Variants in SCG5 observed in about 807,000 individuals in gnomAD.
The protein encoded by SCG5 is neuroendocrine protein 7B2.
In SCG5, 18 loss-of-function variants were observed where a neutral mutation model predicts 25.7. That is an observed-to-expected ratio of 0.70 (90% confidence interval 0.48 to 1.04). The LOEUF is 1.04. SCG5 is among the 50% of genes least tolerant of loss of function. The pLI is 0.00. For missense variants in SCG5, 206 were observed against 259.8 expected, an observed-to-expected ratio of 0.79 and a Z score of 1.42; for synonymous variants, 101 against 91.7, an observed-to-expected ratio of 1.10 and a Z score of -0.58.
intron 2 of SCG5, among the ~76,000 whole-genome samples, chr15:32,654,051 A>C (rs562639381): frequency 6.6e-6 from 1 of 152,274 alleles, no homozygotes; most frequent in South Asian, 2.1e-4. Context: ...CCTCACAATC[A>C]CTTACTGGAG....
chr15:32,682,017 C>T (rs1456523456), intron 3 of SCG5, among the ~76,000 whole-genome samples: 2 of 152,086 alleles, frequency 1.3e-5, no homozygotes, highest in Non-Finnish European at 2.9e-5. Flanking sequence ...CCACCTTCTA[C>T]TTGTTTGTAG....
At chr15:32,669,147 T>C (rs1004240877) in intron 2 of SCG5, 1 of 152,158 alleles carries the variant, frequency 6.6e-6, no homozygotes, top group Admixed American at 6.5e-5. Context: ...ACATGTTAAT[T>C]AGCACTCATT....
intron 2 of SCG5, among the ~76,000 whole-genome samples, chr15:32,665,357 G>A (rs1227872003): frequency 5.3e-5 from 8 of 149,992 alleles, no homozygotes; most frequent in African/African-American, 1.7e-4. Flanking sequence ...TTAGGTTCTG[G>A]TTTGGGGTTT....
chr15:32,654,759 T>C (rs1455524172), intron 2 of SCG5, among the ~76,000 whole-genome samples: 1 of 152,200 alleles, frequency 6.6e-6, no homozygotes, highest in African/African-American at 2.4e-5. Context: ...TTTGTGTCTG[T>C]AGTGCCTAGA....
At chr15:32,651,454 G>T (rs902881825) in intron 2 of SCG5, among the ~76,000 whole-genome samples, 1 of 152,236 alleles carries the variant, frequency 6.6e-6, no homozygotes, top group Non-Finnish European at 1.5e-5. Context: ...ATTTGAGGAT[G>T]GCGGGGTGAA....
chr15:32,658,141 C>G (rs1430226076), intron 2 of SCG5, among the ~76,000 whole-genome samples: 7 of 152,114 alleles, frequency 4.6e-5, no homozygotes, highest in Admixed American at 3.9e-4. Context: ...GGATGTGATA[C>G]AAACTGATAT....
At chr15:32,677,793 G>A (rs1433134463) in intron 2 of SCG5, 1 of 152,138 alleles carries the variant, frequency 6.6e-6, no homozygotes, top group Admixed American at 6.5e-5. Context: ...TCCTGGAAAA[G>A]GAAGCTTCAT....
intron 3 of SCG5, among the ~76,000 whole-genome samples, chr15:32,680,318 C>T (rs982359175): frequency 7.9e-5 from 12 of 151,828 alleles, no homozygotes; most frequent in African/African-American, 2.9e-4. Context: ...GCCTCAGCCT[C>T]CCGAGTACCT....
intron 5 of SCG5, among the ~76,000 whole-genome samples, chr15:32,695,515 A>G (rs1190047981): frequency 6.6e-6 from 1 of 152,100 alleles, no homozygotes; most frequent in South Asian, 2.1e-4. Context: ...GAATACCAAC[A>G]CATGAAAGTG....
At chr15:32,647,956 T>C (rs140117958) in intron 2 of SCG5, among the ~76,000 whole-genome samples, 6 of 152,302 alleles carry the variant, frequency 3.9e-5, no homozygotes, top group African/African-American at 1.4e-4. Flanking sequence ...TCTCATTCAT[T>C]CTCTTGACTC....
chr15:32,684,125 A>G (rs755919394), intron 3 of SCG5, among the ~76,000 whole-genome samples: 9 of 152,198 alleles, frequency 5.9e-5, no homozygotes, highest in Non-Finnish European at 1.2e-4. Context: ...CAAGCTGACC[A>G]GGAGATGGGG....
intron 2 of SCG5, among the ~76,000 whole-genome samples, chr15:32,661,569 G>A (rs1301486513): frequency 2.0e-5 from 3 of 152,062 alleles, no homozygotes; most frequent in Non-Finnish European, 4.4e-5. Context: ...GCGGTGAGCC[G>A]AGATTGCACC....
At chr15:32,684,938 C>G (rs1397678925) in intron 4 of SCG5, among the ~76,000 whole-genome samples, 3 of 152,192 alleles carry the variant, frequency 2.0e-5, no homozygotes, top group Admixed American at 1.3e-4. Context: ...TGCTTCACAG[C>G]CTGTGTCATA....
chr15:32,663,799 G>A (rs959668514), intron 2 of SCG5, among the ~76,000 whole-genome samples: 1 of 152,082 alleles, frequency 6.6e-6, no homozygotes, highest in Non-Finnish European at 1.5e-5. Flanking sequence ...CCTGCAGATG[G>A]GCTGTACCAG....
chr15:32,694,574 A>G (rs1297310756), intron 5 of SCG5, among the ~76,000 whole-genome samples: 1 of 152,262 alleles, frequency 6.6e-6, no homozygotes, highest in African/African-American at 2.4e-5. Context: ...TTTGGAATAA[A>G]TATTACTAAA....
intron 3 of SCG5, among the ~76,000 whole-genome samples, chr15:32,680,780 T>G (rs967863681): frequency 1.3e-5 from 2 of 152,158 alleles, no homozygotes; most frequent in Non-Finnish European, 2.9e-5. Flanking sequence ...AAATTTTCCA[T>G]GTTGTTCATG....
At chr15:32,685,455 A>G (rs1341011929) in intron 4 of SCG5, among the ~76,000 whole-genome samples, 4 of 152,212 alleles carry the variant, frequency 2.6e-5, no homozygotes, top group Admixed American at 2.6e-4. Flanking sequence ...ACAGAATGTC[A>G]CCAAAATGGG....
At chr15:32,696,158 C>T (rs1381687053) in intron 5 of SCG5, among the ~76,000 whole-genome samples, 2 of 151,920 alleles carry the variant, frequency 1.3e-5, no homozygotes, top group African/African-American at 2.4e-5. Flanking sequence ...TGCTCTGTCG[C>T]CCAGGCTGGA....
chr15:32,671,626 CG>C (rs2054425526), intron 2 of SCG5, among the ~76,000 whole-genome samples: 1 of 151,524 alleles, frequency 6.6e-6, no homozygotes, highest in African/African-American at 2.4e-5. Context: ...TAGAAGCTGA[CG>C]AATGAGTCCT....
Sources: gnomAD v4.1 joint callset for allele counts (sites outside exome capture counted in the v4.1 genomes callset) on GRCh38, gnomAD v4.1.1 for gene constraint, MANE v1.5 for transcripts, NCBI Gene and HGNC (gene_info 2026-07-23, HGNC 2026-07-21) for gene names.